P2RX4: variants seen among roughly 807,000 people sequenced by gnomAD.
P2RX4 encodes purinergic receptor P2X 4.
In P2RX4, 37 loss-of-function variants were observed where a neutral mutation model predicts 48.0. The ratio of observed to expected loss-of-function variants is 0.77; its 90% confidence interval spans 0.59 to 1.01. P2RX4 has a LOEUF of 1.01. P2RX4 is among the 50% of genes least tolerant of loss of function. P2RX4 has a pLI of 0.00. For missense variants in P2RX4, 501 were observed against 521.4 expected, an observed-to-expected ratio of 0.96 and a Z score of 0.38; for synonymous variants, 200 against 199.7, an observed-to-expected ratio of 1.00 and a Z score of -0.01.
At position 121,222,170 on chromosome 12, in the gene P2RX4, C is replaced by G. The variant is rs750607999; in HGVS notation, c.427+4C>G. ...TCTGCCGGCACCCACAGCAACGGTA[C>G]GAGCTTGTGGCCTCCTGGGGAGGGC... On this transcript the variant is annotated splice_donor_region_variant and intron_variant, in intron 4 of 11. Transcript: ENST00000337233. 3 of 1,607,378 alleles carry G rather than the reference C, an allele frequency of 1.9e-6. No homozygotes were observed. The highest frequency in any genetic ancestry group is 2.6e-6 in the Non-Finnish European group (3 of 1,174,064).
chr12:121,224,987 C>T (rs1886886302), intron 5 of P2RX4, among the ~76,000 whole-genome samples: 1 of 152,172 alleles, frequency 6.6e-6, no homozygotes, highest in Non-Finnish European at 1.5e-5. Flanking sequence ...AGACTCTGGC[C>T]ACGCGTGGCT....
At chr12:121,220,787 C>T (rs151160057) in intron 2 of P2RX4, among the ~76,000 whole-genome samples, 1 of 152,308 alleles carries the variant, frequency 6.6e-6, no homozygotes, top group East Asian at 1.9e-4. Flanking sequence ...TACACAACCA[C>T]TCCCCATTCC....
At chr12:121,224,133 C>G (rs1593215365) in intron 5 of P2RX4, among the ~76,000 whole-genome samples, 2 of 152,268 alleles carry the variant, frequency 1.3e-5, no homozygotes, top group Admixed American at 1.3e-4. Context: ...CAGCTTGGGC[C>G]TGGGTCACAT....
In P2RX4 at chr12:121,220,415, C is replaced by T. The variant is rs561439285; in HGVS notation, c.283-1498C>T. Among the ~76,000 whole-genome samples the T allele has an allele frequency of 9.9e-5, 15 of 152,098 alleles. No individual in the cohort carries two copies. The East Asian group carries it at 2.9e-3, about 29-fold the overall frequency. On this transcript the variant is annotated intron_variant, in intron 2 of 11. Transcript: ENST00000337233. ...CTTTGGGAGGCTGAGGCAGGTAGAT[C>T]ACTTGAGGCCAGGAGTTGGAGACCA... is the stretch of plus-strand genomic sequence containing the variant.
intron 1 of P2RX4, chr12:121,216,843 C>G (rs1443739268): frequency 1.6e-6 from 1 of 637,832 alleles, no homozygotes; most frequent in Non-Finnish European, 2.8e-6. Flanking sequence ...AGAGAAAATG[C>G]TCAAATGTAA....
At position 121,232,227 on chromosome 12, in the gene P2RX4, C is replaced by T; in HGVS notation, c.885-187C>T. 1 of 605,296 alleles carries T rather than the reference C, an allele frequency of 1.7e-6. No homozygotes were observed. The highest frequency in any genetic ancestry group is 2.7e-5 in the East Asian group (1 of 36,396). 37.5% of individuals were successfully genotyped at this position (605,296 alleles called of 1,614,324 possible). A position where few individuals can be genotyped will look rare whatever the true frequency, so the allele number is the denominator to read the frequency against. The stretch of plus-strand genomic sequence containing the variant: ...AGGAGGTCTCCCTGTGCCCCTGTAC[C>T]TCGTGGGCCCCGCATCCTCCTGCTT... On this transcript the variant is annotated intron_variant, in intron 8 of 11. Transcript: ENST00000337233. The surrounding 1 kb of genome is among the most constrained non-coding windows in gnomAD (Gnocchi z 4.3).
intron 8 of P2RX4, among the ~76,000 whole-genome samples, chr12:121,231,959 T>C (rs1326616041): frequency 7.2e-6 from 1 of 138,114 alleles, no homozygotes; most frequent in Non-Finnish European, 1.5e-5. Flanking sequence ...GAGCCAAGAT[T>C]GGTGCCCCTA....
At chr12:121,221,032 G>A (rs954906920) in intron 2 of P2RX4, among the ~76,000 whole-genome samples, 14 of 152,160 alleles carry the variant, frequency 9.2e-5, no homozygotes, top group Admixed American at 4.6e-4. Context: ...GTGCACTGGC[G>A]TGATCTCGGC....
At chr12:121,233,389 AC>A in intron 11 of P2RX4, 133 bp from the exon 12 acceptor site, 1 of 884,698 alleles carries the variant, frequency 1.1e-6, no homozygotes, top group Admixed American at 2.0e-5. Context: ...ACCTTGCGGA[AC>A]AGGAAGGGTT....
Position 121,223,022 on chromosome 12 carries a change from A to G in P2RX4, c.503A>G (p.Glu168Gly), listed in dbSNP as rs1389635084. Reference sequence around the variant, plus strand: ...GAGGTGGCGGCCTGGTGCCCGGTGGAGGATGACACACACGTGCCACAGTGA... The same window carrying G: ...GAGGTGGCGGCCTGGTGCCCGGTGGGGGATGACACACACGTGCCACAGTGA... ...TCEVAAWCPV[E>G]DDTHVPQPAF... Residue 168 changes from glutamate (E) to glycine (G), a missense_variant, in exon 5 of 12, where the codon GAG (glutamate) becomes GGG (glycine). Around this residue, in one of 3 missense-constraint regions of P2RX4, gnomAD observed 295 missense variants for 275.3 expected, o/e 1.07. Transcript: ENST00000337233. 7 of 1,611,062 alleles carry G rather than the reference A, an allele frequency of 4.3e-6. No homozygotes were observed. Among genetic ancestry groups the G allele is most frequent in the Non-Finnish European group, 5.9e-6 (7 of 1,177,356 alleles).
At chr12:121,228,507 A>G in intron 5 of P2RX4, 26 bp from the exon 6 acceptor site, 2 of 1,481,890 alleles carry the variant, frequency 1.3e-6, no homozygotes, top group Non-Finnish European at 1.9e-6. Flanking sequence ...TATTTTATTA[A>G]CAGTAATGTT....
chr12:121,212,809 TATATATATATATA>T (rs1565997459), intron 1 of P2RX4: 12 of 36,074 alleles, frequency 3.3e-4, no homozygotes, highest in African/African-American at 7.0e-4. Flanking sequence ...TATATATATA[TATATATATATATA>T]TATTTTTTTT....
chr12:121,222,892 G>T, intron 4 of P2RX4, 55 bp from the exon 5 acceptor site: 1 of 1,469,168 alleles, frequency 6.8e-7, no homozygotes. Flanking sequence ...CAAAAAGGTA[G>T]AAAATAGGAG....
chr12:121,226,844 G>A (rs1887006750), intron 5 of P2RX4, among the ~76,000 whole-genome samples: 1 of 152,052 alleles, frequency 6.6e-6, no homozygotes, highest in Non-Finnish European at 1.5e-5. Context: ...CAGGCACAGT[G>A]GCCCATGCCT....
rs189817705 is a variant in P2RX4 at position 121,233,511 on chromosome 12, C to A, written c.1141-12C>A. On this transcript the variant is annotated splice_polypyrimidine_tract_variant and intron_variant, in intron 11 of 11. Transcript: ENST00000337233. Reference sequence around the variant, plus strand: ...CAGGGGCACCTTGATCTGCTTGTGTCCTTCTTTGCAGGGTCTTGCTAGTGA... The same window carrying A: ...CAGGGGCACCTTGATCTGCTTGTGTACTTCTTTGCAGGGTCTTGCTAGTGA... 3,058 of 1,606,082 alleles carry A rather than the reference C, an allele frequency of 1.9e-3. 19 individuals are homozygous for A. Among genetic ancestry groups the A allele is most frequent in the South Asian group, 2.4e-3 (217 of 89,650 alleles).
At chr12:121,222,689 G>A (rs1170755582) in intron 4 of P2RX4, 1 of 1,386,678 alleles carries the variant, frequency 7.2e-7, no homozygotes, top group East Asian at 3.2e-5. Flanking sequence ...TAGGATTACA[G>A]GCATGACCCA....
At chr12:121,225,601 G>A (rs1313566147) in intron 5 of P2RX4, among the ~76,000 whole-genome samples, 1 of 151,658 alleles carries the variant, frequency 6.6e-6, no homozygotes, top group Non-Finnish European at 1.5e-5. Context: ...TTAGTAGAGA[G>A]GGGGTTTCAC....
At chr12:121,216,827 A>T (rs1218320254) in intron 1 of P2RX4, 4 of 634,704 alleles carry the variant, frequency 6.3e-6, no homozygotes, top group South Asian at 5.3e-5. Flanking sequence ...TCTCAAAAAA[A>T]AAAAAAGAGA....
At chr12:121,212,675 G>C (rs1353257477) in intron 1 of P2RX4, among the ~76,000 whole-genome samples, 2 of 148,788 alleles carry the variant, frequency 1.3e-5, no homozygotes, top group African/African-American at 4.9e-5. Flanking sequence ...TGTAATCCCG[G>C]CTACATGGGA....
Sources: allele counts gnomAD v4.1 joint callset (sites outside exome capture counted in the v4.1 genomes callset), GRCh38; gene constraint gnomAD v4.1.1; regional missense constraint gnomAD v4.1.1; non-coding constraint Gnocchi (gnomAD v3.1); transcripts MANE v1.5; gene names NCBI Gene and HGNC (gene_info 2026-07-23, HGNC 2026-07-21).